Variants in PHKA1 observed in about 807,000 individuals in gnomAD.
The protein encoded by PHKA1 is phosphorylase kinase regulatory subunit alpha 1.
A neutral mutation model predicts 110.2 loss-of-function variants in PHKA1; 60 were observed. That is an observed-to-expected ratio of 0.54 (90% confidence interval 0.44 to 0.68). The LOEUF (loss-of-function observed/expected upper bound fraction) is 0.68. Among genes scored for constraint, PHKA1 ranks in the 30% least tolerant of loss-of-function variants. The pLI, the probability that PHKA1 is intolerant of heterozygous loss-of-function variation, is 0.00. For missense variants in PHKA1, 801 were observed against 942.5 expected (o/e 0.85, Z 1.97); for synonymous variants, 316 against 333.6 (o/e 0.95, Z 0.58).
rs5958769 is a variant in PHKA1 at position 72,618,588 on chromosome X, A to G, written c.2369+122T>C. On this transcript the variant is annotated intron_variant, in intron 21 of 31. Coordinates refer to ENST00000373542, the MANE Select transcript of PHKA1 (RefSeq NM_002637.4). Reference sequence around the variant, plus strand: ...CTGAGGGTTTGAAGTCACATGATGGATAGGTTGTTAAACTATATTCAATTC... The same window carrying G: ...CTGAGGGTTTGAAGTCACATGATGGGTAGGTTGTTAAACTATATTCAATTC... 201,942 of 563,363 alleles carry G rather than the reference A, an allele frequency of 0.36. 32,209 individuals are homozygous for G. Among genetic ancestry groups the G allele is most frequent in the African/African-American group, 0.84 (36,526 of 43,595 alleles). The allele number at this position is 563,363 out of a possible 1,213,427, so 46.4% of individuals were successfully genotyped here. A position where few individuals can be genotyped will look rare whatever the true frequency, so the allele number is the denominator to read the frequency against.
chrX:72,642,650 C>T (rs1225201218), intron 14 of PHKA1, among the ~76,000 whole-genome samples: 1 of 110,452 alleles, frequency 9.1e-6, no homozygotes, highest in Admixed American at 9.6e-5. Flanking sequence ...GTATGTAACC[C>T]ACCTAGCAAA....
At chrX:72,657,548 C>A in intron 9 of PHKA1, 40 bp downstream of exon 9, 1 of 1,037,297 alleles carries the variant, frequency 9.6e-7, no homozygotes. Context: ...GTAGAAGTGG[C>A]CATTCTACCT....
chrX:72,704,097 T>C (rs2054245012), intron 3 of PHKA1, among the ~76,000 whole-genome samples: 1 of 112,260 alleles, frequency 8.9e-6, no homozygotes, highest in Non-Finnish European at 1.9e-5. Flanking sequence ...AGAACCTAGA[T>C]GATAGGCAAA....
intron 25 of PHKA1, among the ~76,000 whole-genome samples, chrX:72,604,887 T>C (rs781940336): frequency 8.9e-6 from 1 of 112,100 alleles, no homozygotes; most frequent in African/African-American, 3.2e-5. Flanking sequence ...GACAGAATAC[T>C]GACACCATGA....
intron 14 of PHKA1, among the ~76,000 whole-genome samples, chrX:72,641,014 A>G (rs1271470498): frequency 3.6e-5 from 4 of 111,424 alleles, no homozygotes; most frequent in Non-Finnish European, 7.5e-5. Flanking sequence ...TTGTAGACAC[A>G]TAGTTTCAAA....
rs1556203808 is a variant in PHKA1 at position 72,582,456 on chromosome X, C to T, written c.3440G>A (p.Ser1147Asn). Residue 1147 changes from serine to asparagine, a missense_variant, in exon 31 of 32, where the codon AGC becomes AAC. Coordinates refer to ENST00000373542, the MANE Select transcript of PHKA1 (RefSeq NM_002637.4). ...LADIEIHSIGSIIAVEKIVHI... is the reference protein window; with the variant it reads ...LADIEIHSIGNIIAVEKIVHI... ...CACTATTTTTTCCACAGCAATGATG[C>T]TTCCGATGCTATGAATTTCAATATC... 3 of 1,207,551 alleles carry T rather than the reference C, an allele frequency of 2.5e-6. No homozygotes were observed. The highest frequency in any genetic ancestry group is 1.1e-6 in the Non-Finnish European group (1 of 891,713).
rs915023234 is a variant in PHKA1 at position 72,652,490 on chromosome X, A to G, written c.1245+54T>C. The G allele has an allele frequency of 4.3e-5, 29 of 671,165 alleles. No individual in the cohort carries two copies. The African/African-American group carries it at 4.7e-4, about 11-fold the overall frequency. The allele number at this position is 671,165 out of a possible 1,213,427, so 55.3% of individuals were successfully genotyped here. Reference sequence around the variant, plus strand: ...TAATGAGCTACTTAAAAATCTGATTATTATGGTGACTTAAGGCAGAAAAAA... The same window carrying G: ...TAATGAGCTACTTAAAAATCTGATTGTTATGGTGACTTAAGGCAGAAAAAA... On this transcript the variant is annotated intron_variant, in intron 12 of 31. Transcript: ENST00000373542.
chrX:72,696,535 T>G (rs1556327501), intron 3 of PHKA1, among the ~76,000 whole-genome samples: 1 of 111,691 alleles, frequency 9.0e-6, no homozygotes, highest in East Asian at 2.8e-4. Flanking sequence ...TGCAACCATC[T>G]GTCTCTCACC....
intron 12 of PHKA1, among the ~76,000 whole-genome samples, chrX:72,651,311 C>T (rs973632823): frequency 4.5e-5 from 5 of 111,025 alleles, no homozygotes; most frequent in Non-Finnish European, 7.6e-5. Flanking sequence ...CTGAGGAGGG[C>T]GGATCACCTG....
intron 14 of PHKA1, among the ~76,000 whole-genome samples, chrX:72,638,149 T>A (rs12853028): frequency 1.8e-5 from 2 of 111,247 alleles, no homozygotes; most frequent in African/African-American, 6.5e-5. Context: ...TTTGTTTTTG[T>A]TTTTTAAATA....
intron 2 of PHKA1, among the ~76,000 whole-genome samples, chrX:72,710,744 A>G (rs548987014): frequency 9.0e-6 from 1 of 111,343 alleles, no homozygotes; most frequent in African/African-American, 3.3e-5. Flanking sequence ...AAAATTATTT[A>G]ATGGAATATT....
In PHKA1 at chrX:72,593,240, G is replaced by C. The variant is rs1556228516; in HGVS notation, c.3107C>G (p.Ser1036Cys). ...CTGCTGATCATATGCACTAGGAAAG[G>C]ACCCACTACTTGGAGTCATAGAGGT... ...PGTSMTPSSG[S>C]FPSAYDQQSS... is the part of the protein sequence containing the mutation. Residue 1036 changes from serine to cysteine, a missense_variant, in exon 29 of 32, where the codon TCC becomes TGC. Ser to Cys is a moderately radical substitution (Grantham distance 112). Coordinates refer to ENST00000373542, the MANE Select transcript of PHKA1 (RefSeq NM_002637.4). The C allele has an allele frequency of 1.7e-6, 2 of 1,206,096 alleles. No individual in the cohort carries two copies. Among genetic ancestry groups the C allele is most frequent in the East Asian group, 5.9e-5 (2 of 33,848 alleles).
At position 72,670,227 on chromosome X, in the gene PHKA1, T is replaced by C. The variant is rs782761980; in HGVS notation, c.619-2754A>G. Among the ~76,000 whole-genome samples, 14 of 110,594 alleles carry C rather than the reference T, an allele frequency of 1.3e-4. No homozygotes were observed. In the East Asian group the frequency reaches 3.6e-3, roughly 29 times the overall value. On this transcript the variant is annotated intron_variant, in intron 6 of 31. Coordinates refer to ENST00000373542, the MANE Select transcript of PHKA1 (RefSeq NM_002637.4). ...CTTTGCCCACTTTTTGATGGGGTTG[T>C]TTTTTTCTTGTAAATTTCTTTGAGT...
chrX:72,653,550 A>C lies in PHKA1; in HGVS notation c.1042-20T>G, dbSNP rs782316704. On this transcript the variant is annotated intron_variant, in intron 10 of 31. Coordinates refer to ENST00000373542, the MANE Select transcript of PHKA1 (RefSeq NM_002637.4). ...TTGAACCTGCAGATAAAAGAAAGGC[A>C]GGAAAAAAAGACTTACAGAGAGTCC... 1.9e-5 allele frequency: 20 copies of C among 1,075,503 alleles called. No individual in the cohort carries two copies. The highest frequency in any genetic ancestry group is 3.9e-6 in the Non-Finnish European group (3 of 776,357). 88.6% of individuals were successfully genotyped at this position (1,075,503 alleles called of 1,213,427 possible). A position where few individuals can be genotyped will look rare whatever the true frequency, so the allele number is the denominator to read the frequency against.
chrX:72,579,798 C>T lies in PHKA1; in HGVS notation c.*1204G>A, dbSNP rs1273424909. Reference sequence around the variant, plus strand: ...AATATGTGTCTTTATAAGAAACAGACATATGCCCACAGATACCATGATATA... The same window carrying T: ...AATATGTGTCTTTATAAGAAACAGATATATGCCCACAGATACCATGATATA... On this transcript the variant is annotated 3_prime_UTR_variant, in exon 32 of 32. Coordinates refer to ENST00000373542, the MANE Select transcript of PHKA1 (RefSeq NM_002637.4). 1 of 111,339 alleles carries T rather than the reference C, an allele frequency of 9.0e-6. No individual in the cohort carries two copies. The highest frequency in any genetic ancestry group is 1.9e-5 in the Non-Finnish European group (1 of 53,079). 9.2% of individuals were successfully genotyped at this position (111,339 alleles called of 1,213,427 possible).
intron 12 of PHKA1, among the ~76,000 whole-genome samples, chrX:72,651,701 A>G (rs1250539581): frequency 8.9e-6 from 1 of 111,759 alleles, no homozygotes; most frequent in African/African-American, 3.3e-5. Context: ...TGCTAGACTC[A>G]TTTAGTAATG....
chrX:72,615,608 CTAAAAA>C (rs1257028419), intron 21 of PHKA1, among the ~76,000 whole-genome samples: 40 of 106,883 alleles, frequency 3.7e-4, no homozygotes, highest in African/African-American at 1.3e-3. Flanking sequence ...AATAGATATG[CTAAAAA>C]TAAAAAGCAA....
rs1009482154 is a variant in PHKA1 at position 72,589,380 on chromosome X, C to G, written c.3243+3724G>C. Among the ~76,000 whole-genome samples the G allele has an allele frequency of 7.2e-5, 8 of 111,854 alleles. No individual in the cohort carries two copies. The East Asian group carries it at 1.7e-3, about 23-fold the overall frequency. Reference sequence around the variant, plus strand: ...AGGCCTTCAACAAAATTCAAAAGCCCTTCATGCTAAAAACTCTCAATAAAT... The same window carrying G: ...AGGCCTTCAACAAAATTCAAAAGCCGTTCATGCTAAAAACTCTCAATAAAT... On this transcript the variant is annotated intron_variant, in intron 29 of 31. Transcript: ENST00000373542.
intron 17 of PHKA1, among the ~76,000 whole-genome samples, chrX:72,623,788 A>G (rs1556280892): frequency 8.9e-6 from 1 of 112,019 alleles, no homozygotes; most frequent in Non-Finnish European, 1.9e-5. Flanking sequence ...CCAAATTTCT[A>G]AAGAGGCCAA....
Sources: allele counts gnomAD v4.1 joint callset (sites outside exome capture counted in the v4.1 genomes callset), GRCh38; gene constraint gnomAD v4.1.1; transcripts MANE v1.5; gene names NCBI Gene and HGNC (gene_info 2026-07-23, HGNC 2026-07-21).